The following ITPA variants were observed in gnomAD, a reference collection of about 807,000 sequenced individuals.
ITPA encodes the protein inosine triphosphate pyrophosphatase.
Under a neutral mutation model 29.6 loss-of-function variants are expected in ITPA, and 29 were observed. That is an observed-to-expected ratio of 0.98 (90% CI 0.73 to 1.34). The LOEUF is 1.34. Among genes scored for constraint, ITPA ranks in the 40% most tolerant of loss-of-function variants. The probability of loss-of-function intolerance (pLI) is 0.00; values close to 1 mark genes in which losing one functional copy is unlikely to be tolerated. For missense variants in ITPA, 241 were observed against 251.5 expected (o/e 0.96, Z 0.28); for synonymous variants, 103 against 99.3 (o/e 1.04, Z -0.22).
chr20:3,221,554 T>C (rs942217628), intron 6 of ITPA, among the ~76,000 whole-genome samples: 2 of 138,178 alleles, frequency 1.4e-5, no homozygotes, highest in African/African-American at 5.6e-5. Flanking sequence ...TCTTCAGTGA[T>C]GTCCCAATTT....
At chr20:3,215,064 G>A in intron 4 of ITPA, 1 of 564,470 alleles carries the variant, frequency 1.8e-6, no homozygotes, top group Non-Finnish European at 3.2e-6. Context: ...ATAGGATTTT[G>A]CTACGTTGTC....
At chr20:3,224,072 C>A (rs2067532575), downstream of ITPA, among the ~76,000 whole-genome samples, 1 of 152,210 alleles carries the variant, frequency 6.6e-6, no homozygotes, top group African/African-American at 2.4e-5. Context: ...CTGCCCCCCA[C>A]CCGCAGGTAG....
intron 7 of ITPA, 54 bp from the exon 8 acceptor site, chr20:3,223,312 G>A: frequency 7.6e-7 from 1 of 1,314,318 alleles, no homozygotes; most frequent in Non-Finnish European, 1.1e-6. Flanking sequence ...GTTGGGAGGG[G>A]GTGCACTTCC....
Position 3,223,527 on chromosome 20 carries a change from C to T in ITPA, c.*65C>T. Reference sequence around the variant, plus strand: ...GGGAGGGCTAGCCCAAAACCTCCCGCATCGGGCAGGCACCCCCTGAAGTAC... The same window carrying T: ...GGGAGGGCTAGCCCAAAACCTCCCGTATCGGGCAGGCACCCCCTGAAGTAC... On this transcript the variant is annotated 3_prime_UTR_variant, in exon 8 of 8. Coordinates refer to ENST00000380113, the MANE Select transcript of ITPA (RefSeq NM_033453.4). 1 of 1,260,882 alleles carries T rather than the reference C, an allele frequency of 7.9e-7. No individual in the cohort carries two copies. Among genetic ancestry groups the T allele is most frequent in the South Asian group, 1.3e-5 (1 of 79,720 alleles). 78.1% of individuals were successfully genotyped at this position (1,260,882 alleles called of 1,614,324 possible). A position where few individuals can be genotyped will look rare whatever the true frequency, so the allele number is the denominator to read the frequency against.
At position 3,216,657 on chromosome 20, in the gene ITPA, G is replaced by A. The variant is rs868557043; in HGVS notation, c.295+1345G>A. Among the ~76,000 whole-genome samples, 10 of 151,622 alleles carry A rather than the reference G, an allele frequency of 6.6e-5. 1 individual carries two copies. The South Asian group carries it at 1.5e-3, about 22-fold the overall frequency. On this transcript the variant is annotated intron_variant, in intron 5 of 7. Coordinates refer to ENST00000380113, the MANE Select transcript of ITPA (RefSeq NM_033453.4). ...TTTTGTAGAGGGGTTTCACTATATT[G>A]GCCAGGCTGGTCTCGAACTCCTGAC...
At chr20:3,213,574 T>G in intron 3 of ITPA, 191 bp downstream of exon 3, 3 of 689,424 alleles carry the variant, frequency 4.4e-6, no homozygotes, top group South Asian at 1.7e-5. Flanking sequence ...ACATGGTATC[T>G]CCCCCAGACC....
intron 3 of ITPA, among the ~76,000 whole-genome samples, 199 bp from the exon 4 acceptor site, chr20:3,213,786 C>T (rs116211143): frequency 2.6e-5 from 4 of 152,332 alleles, no homozygotes; most frequent in South Asian, 2.1e-4. Context: ...CTTTAACAAT[C>T]GGCCAAAGCT....
Position 3,209,648 on chromosome 20 carries a change from A to G in ITPA, c.66+31A>G, listed in dbSNP as rs1218889547. The G allele has an allele frequency of 2.5e-6, 4 of 1,603,516 alleles. No homozygotes were observed. Among genetic ancestry groups the G allele is most frequent in the Non-Finnish European group, 3.4e-6 (4 of 1,170,820 alleles). Reference sequence around the variant, plus strand: ...GGGAGGGTGTTGGGGGCTAACTGGGAGGCGGCTGGGAATAGGGCGGAGAAG... The same window carrying G: ...GGGAGGGTGTTGGGGGCTAACTGGGGGGCGGCTGGGAATAGGGCGGAGAAG... On this transcript the variant is annotated intron_variant, in intron 1 of 7. Transcript: ENST00000380113. This position sits in a 1 kb window ranked among gnomAD's most constrained non-coding sequence, Gnocchi z 4.6.
intron 7 of ITPA, among the ~76,000 whole-genome samples, chr20:3,222,838 G>A (rs908392171): frequency 4.6e-5 from 7 of 152,224 alleles, no homozygotes; most frequent in East Asian, 1.9e-4. Context: ...TCTGTTCAGC[G>A]TTAATTCATT....
chr20:3,226,961 C>A (rs950911044), downstream of ITPA, among the ~76,000 whole-genome samples: 13 of 152,320 alleles, frequency 8.5e-5, no homozygotes, highest in South Asian at 6.2e-4. The surrounding 1 kb of genome is among the most constrained non-coding windows in gnomAD (Gnocchi z 4.4). Context: ...CACCTCCCTC[C>A]ATCGCCACCA....
At chr20:3,214,897 G>A (rs1195142592) in intron 4 of ITPA, among the ~76,000 whole-genome samples, 4 of 151,244 alleles carry the variant, frequency 2.6e-5, no homozygotes, top group Admixed American at 6.6e-5. Flanking sequence ...TTTATTTTTG[G>A]TGTGTGAGAC....
chr20:3,209,242 G>C (rs1173501210), upstream of ITPA: 1 of 450,946 alleles, frequency 2.2e-6, no homozygotes, highest in South Asian at 2.1e-5. This position sits in a 1 kb window ranked among gnomAD's most constrained non-coding sequence, Gnocchi z 4.6. Context: ...CCCCATTGCA[G>C]AGAAGAGCGA....
At chr20:3,206,415 G>A (rs1035876775), upstream of ITPA, among the ~76,000 whole-genome samples, 13 of 143,416 alleles carry the variant, frequency 9.1e-5, no homozygotes, top group Non-Finnish European at 2.0e-4. Context: ...AAAAAAAGCT[G>A]GGCACCGTGG....
chr20:3,213,867 C>A, intron 3 of ITPA, 118 bp from the exon 4 acceptor site: 1 of 1,016,310 alleles, frequency 9.8e-7, no homozygotes, highest in Non-Finnish European at 1.6e-6. Context: ...ATGGTGCTGT[C>A]TGCCACAGAT....
chr20:3,223,534 C>A lies in ITPA; in HGVS notation c.*72C>A. On this transcript the variant is annotated 3_prime_UTR_variant, in exon 8 of 8. Coordinates refer to ENST00000380113, the MANE Select transcript of ITPA (RefSeq NM_033453.4). The stretch of plus-strand genomic sequence containing the variant: ...CTAGCCCAAAACCTCCCGCATCGGG[C>A]AGGCACCCCCTGAAGTACTTCCTTC... The A allele has an allele frequency of 1.7e-6, 2 of 1,152,100 alleles. No homozygotes were observed. The highest frequency in any genetic ancestry group is 2.6e-6 in the Non-Finnish European group (2 of 784,294). The allele number at this position is 1,152,100 out of a possible 1,614,324, so 71.4% of individuals were successfully genotyped here.
chr20:3,225,024 G>C (rs755963210), downstream of ITPA, among the ~76,000 whole-genome samples: 53 of 152,238 alleles, frequency 3.5e-4, no homozygotes, highest in Middle Eastern at 0.017. Context: ...GTGCAACATG[G>C]CAAAACCTTG....
intron 3 of ITPA, 63 bp downstream of exon 3, chr20:3,213,446 C>T: frequency 6.3e-7 from 1 of 1,595,612 alleles, no homozygotes. Flanking sequence ...AGGGCCTGCG[C>T]CTGCTAGAAA....
upstream of ITPA, chr20:3,204,484 C>G: frequency 6.6e-7 from 1 of 1,522,114 alleles, no homozygotes; most frequent in Non-Finnish European, 8.8e-7. Context: ...CACAAAGGCT[C>G]AGAAGGCCAG....
chr20:3,218,528 C>T lies in ITPA; in HGVS notation c.307C>T (p.Leu103Phe), dbSNP rs2067370056. 1.2e-6 allele frequency: 2 copies of T among 1,613,730 alleles called. No individual in the cohort carries two copies. The highest frequency in any genetic ancestry group is 1.7e-6 in the Non-Finnish European group (2 of 1,179,838). The change falls in exon 6 of 8, where the codon CTC (leucine) becomes TTC (phenylalanine). Residue 103 changes from leucine to phenylalanine, a missense_variant. Leu to Phe is a conservative substitution (Grantham distance 22, BLOSUM62 0). Transcript: ENST00000380113. The stretch of plus-strand genomic sequence containing the variant: ...CTGCCCACCCGCAGGTCTCCACCAG[C>T]TCCTGGCCGGGTTCGAGGACAAGTC... ...EKLKPEGLHQ[L>F]LAGFEDKSAY... is the part of the protein sequence containing the mutation.
Sources: allele counts gnomAD v4.1 joint callset (sites outside exome capture counted in the v4.1 genomes callset), GRCh38; gene constraint gnomAD v4.1.1; non-coding constraint Gnocchi (gnomAD v3.1); transcripts MANE v1.5; gene names NCBI Gene and HGNC (gene_info 2026-07-23, HGNC 2026-07-21).